DIAPH3: variants seen among roughly 807,000 people sequenced by gnomAD.
The protein encoded by DIAPH3 is diaphanous related formin 3, also known as protein diaphanous homolog 3.
Under a neutral mutation model 144.3 loss-of-function variants are expected in DIAPH3, and 117 were observed. The ratio of observed to expected loss-of-function variants is 0.81; its 90% CI spans 0.70 to 0.95. DIAPH3 has a LOEUF of 0.95. DIAPH3 is among the 40% of genes least tolerant of loss of function. The pLI is 0.00. For synonymous variants in DIAPH3, 519 were observed against 488.9 expected, an observed-to-expected ratio of 1.06 and a Z score of -0.81; for missense variants, 1,421 against 1,412.7, an observed-to-expected ratio of 1.01 and a Z score of -0.09.
At chr13:59,893,561 C>T (rs1167050046) in intron 20 of DIAPH3, among the ~76,000 whole-genome samples, 1 of 151,688 alleles carries the variant, frequency 6.6e-6, no homozygotes, top group Non-Finnish European at 1.5e-5. Flanking sequence ...CAATTCCAGC[C>T]AGCTAATGGT....
At chr13:60,063,856 G>T (rs1022345130) in intron 4 of DIAPH3, among the ~76,000 whole-genome samples, 1 of 151,988 alleles carries the variant, frequency 6.6e-6, no homozygotes, top group African/African-American at 2.4e-5. Flanking sequence ...TTGAACCCAG[G>T]AGGCGGAGGT....
Position 59,983,655 on chromosome 13 carries a change from T to C in DIAPH3, c.1480+114A>G, listed in dbSNP as rs184161688. The C allele has an allele frequency of 1.6e-4, 113 of 706,668 alleles. 1 individual carries two copies. Among genetic ancestry groups the C allele is most frequent in the Non-Finnish European group, 2.6e-4 (108 of 409,998 alleles). 43.8% of individuals were successfully genotyped at this position (706,668 alleles called of 1,614,324 possible). ...TTTTTGTGCTATTATGAAAACAGTTTTGACAATTAGGGCCCTCAGGAGTCC... is the reference window on the plus strand; with the variant it reads ...TTTTTGTGCTATTATGAAAACAGTTCTGACAATTAGGGCCCTCAGGAGTCC... On this transcript the variant is annotated intron_variant, in intron 13 of 27. Transcript: ENST00000400324.
intron 22 of DIAPH3, among the ~76,000 whole-genome samples, chr13:59,845,536 A>G (rs1313746622): frequency 1.3e-5 from 2 of 152,092 alleles, no homozygotes; most frequent in African/African-American, 4.8e-5. Context: ...AGCCCCACCT[A>G]CAACCTGGGG....
intron 17 of DIAPH3, among the ~76,000 whole-genome samples, chr13:59,945,109 C>T (rs1478290655): frequency 6.6e-6 from 1 of 152,106 alleles, no homozygotes; most frequent in Non-Finnish European, 1.5e-5. Context: ...CAAAACAACT[C>T]AAATGTTTCT....
intron 27 of DIAPH3, among the ~76,000 whole-genome samples, chr13:59,683,734 C>T (rs2033068168): frequency 6.6e-6 from 1 of 152,172 alleles, no homozygotes; most frequent in Non-Finnish European, 1.5e-5. Context: ...CAAATGGTGG[C>T]TTCCTCTAAC....
chr13:59,799,547 C>T (rs1312729326), intron 25 of DIAPH3, among the ~76,000 whole-genome samples: 1 of 152,094 alleles, frequency 6.6e-6, no homozygotes, highest in Admixed American at 6.5e-5. Flanking sequence ...ATGAAATTCC[C>T]CGTTTGTTAC....
At chr13:59,880,158 T>TG (rs1292235914) in intron 20 of DIAPH3, among the ~76,000 whole-genome samples, 1 of 152,070 alleles carries the variant, frequency 6.6e-6, no homozygotes. Context: ...ACTGGGAATG[T>TG]GGGGGACTGG....
chr13:59,748,764 G>A (rs1181930763), intron 27 of DIAPH3, among the ~76,000 whole-genome samples: 1 of 152,162 alleles, frequency 6.6e-6, no homozygotes, highest in Non-Finnish European at 1.5e-5. Context: ...ATTGTATGAA[G>A]GAAGGTGTAA....
At chr13:60,021,683 AAG>A (rs1555358915) in intron 5 of DIAPH3, among the ~76,000 whole-genome samples, 2 of 151,772 alleles carry the variant, frequency 1.3e-5, no homozygotes, top group Non-Finnish European at 2.9e-5. Flanking sequence ...AAAAAAAAAA[AAG>A]AGCATAAAAG....
intron 20 of DIAPH3, among the ~76,000 whole-genome samples, chr13:59,895,513 G>C (rs1047132924): frequency 6.7e-6 from 1 of 150,044 alleles, no homozygotes; most frequent in African/African-American, 2.4e-5. Flanking sequence ...GTTTAATGAC[G>C]CATATAATTT....
intron 27 of DIAPH3, among the ~76,000 whole-genome samples, chr13:59,749,964 A>G (rs2036916859): frequency 6.6e-6 from 1 of 152,198 alleles, no homozygotes; most frequent in Admixed American, 6.5e-5. Context: ...AACATTAAAT[A>G]TACATGGAGT....
At chr13:60,124,543 T>C (rs1429625208) in intron 2 of DIAPH3, among the ~76,000 whole-genome samples, 2 of 152,202 alleles carry the variant, frequency 1.3e-5, no homozygotes, top group African/African-American at 2.4e-5. Flanking sequence ...TATGTCTTTA[T>C]AATTATAATG....
intron 13 of DIAPH3, among the ~76,000 whole-genome samples, chr13:59,982,863 A>G (rs143459245): frequency 6.6e-6 from 1 of 151,738 alleles, no homozygotes; most frequent in East Asian, 1.9e-4. Flanking sequence ...TCTTTATACA[A>G]TATCACAATG....
At chr13:60,072,167 G>A (rs185880088) in intron 4 of DIAPH3, among the ~76,000 whole-genome samples, 41 of 152,208 alleles carry the variant, frequency 2.7e-4, no homozygotes, top group African/African-American at 6.5e-4. Context: ...TTCTCGATGC[G>A]CATCTGCCAA....
intron 27 of DIAPH3, among the ~76,000 whole-genome samples, chr13:59,670,969 T>C (rs1338752265): frequency 1.3e-5 from 2 of 152,204 alleles, no homozygotes; most frequent in Non-Finnish European, 2.9e-5. Flanking sequence ...GTGCTGGGAT[T>C]ACAGGTGTGA....
chr13:59,917,622 G>A (rs891629869), intron 18 of DIAPH3, among the ~76,000 whole-genome samples: 2 of 152,078 alleles, frequency 1.3e-5, no homozygotes, highest in African/African-American at 4.8e-5. Context: ...CAGGCACGGT[G>A]GCTCACGCCT....
intron 2 of DIAPH3, among the ~76,000 whole-genome samples, chr13:60,125,485 C>T (rs1216970312): frequency 6.7e-6 from 1 of 148,868 alleles, no homozygotes; most frequent in African/African-American, 2.5e-5. Context: ...ATGCAGTCCT[C>T]CCACTTCAGC....
intron 25 of DIAPH3, among the ~76,000 whole-genome samples, chr13:59,783,909 G>A (rs2038887597): frequency 6.6e-6 from 1 of 152,000 alleles, no homozygotes; most frequent in Admixed American, 6.5e-5. Flanking sequence ...GAGAGCTGAG[G>A]GTAATGCACA....
At chr13:59,675,408 G>C (rs1322998047) in intron 27 of DIAPH3, among the ~76,000 whole-genome samples, 1 of 148,050 alleles carries the variant, frequency 6.8e-6, no homozygotes, top group Non-Finnish European at 1.5e-5. Context: ...TTTTTGAGAC[G>C]GAGTCTCGCT....
Sources: allele counts gnomAD v4.1 joint callset (sites outside exome capture counted in the v4.1 genomes callset), GRCh38; gene constraint gnomAD v4.1.1; transcripts MANE v1.5; gene names NCBI Gene and HGNC (gene_info 2026-07-23, HGNC 2026-07-21).